Variants in RBM45 observed in about 807,000 individuals in gnomAD.
RBM45 encodes the protein RNA-binding protein 45.
In RBM45, 39 loss-of-function variants were observed where a neutral mutation model predicts 58.5. The observed-to-expected ratio is 0.67, with a 90% CI of 0.52 to 0.87. RBM45 has a LOEUF of 0.87. Ranked by LOEUF, RBM45 falls within the 40% of genes least tolerant of loss-of-function variation. RBM45 has a pLI of 0.00. For synonymous variants in RBM45, 193 were observed against 203.0 expected (o/e 0.95, Z 0.42); for missense variants, 481 against 581.6 (o/e 0.83, Z 1.78).
intron 5 of RBM45, 62 bp downstream of exon 5, chr2:178,121,421 CA>C: frequency 1.3e-6 from 1 of 745,568 alleles, no homozygotes. Context: ...CACACACACA[CA>C]CACACACACA....
Position 178,112,603 on chromosome 2 carries a change from C to T in RBM45, c.57C>T (p.Ser19=), listed in dbSNP as rs2087717693. The change falls in exon 1 of 10, where the codon AGC becomes AGT. Residue 19 remains serine (S), a synonymous_variant. Coordinates refer to ENST00000286070, the MANE Select transcript of RBM45 (RefSeq NM_152945.4). ...SGGGFRPGVD[S]LDEPPNSRIF... is the part of the protein sequence containing the mutation. ...GGGGCTTCCGCCCGGGCGTGGACAG[C>T]CTGGACGAACCGCCCAACAGCCGCA... The T allele has an allele frequency of 6.2e-7, 1 of 1,613,266 alleles. No individual in the cohort carries two copies. The highest frequency in any genetic ancestry group is 8.5e-7 in the Non-Finnish European group (1 of 1,179,978).
chr2:178,114,168 G>A (rs928105533), intron 1 of RBM45, among the ~76,000 whole-genome samples: 2 of 152,152 alleles, frequency 1.3e-5, no homozygotes, highest in African/African-American at 4.8e-5. Flanking sequence ...ACATAACCTT[G>A]TCTGTTTTTA....
At position 178,118,041 on chromosome 2, in the gene RBM45, T is replaced by A. The variant is rs2087801064; in HGVS notation, c.424-14T>A. ...TTTTAAGTCCCCTAAAATCATGTCTTTTAACTCTCTTAGGTGTATGGAGAT... is the reference window on the plus strand; with the variant it reads ...TTTTAAGTCCCCTAAAATCATGTCTATTAACTCTCTTAGGTGTATGGAGAT... On this transcript the variant is annotated splice_polypyrimidine_tract_variant and intron_variant, in intron 2 of 9. Coordinates refer to ENST00000286070, the MANE Select transcript of RBM45 (RefSeq NM_152945.4). 1.0e-5 allele frequency: 16 copies of A among 1,557,792 alleles called. No homozygotes were observed. Among genetic ancestry groups the A allele is most frequent in the Non-Finnish European group, 1.4e-5 (16 of 1,151,580 alleles).
chr2:178,134,937 G>T (rs910915253), intron 3 of RBM45, among the ~76,000 whole-genome samples: 2 of 152,196 alleles, frequency 1.3e-5, no homozygotes, highest in Non-Finnish European at 2.9e-5. Context: ...GGAGGCTGAC[G>T]CGGAGGTTGC....
downstream of RBM45, among the ~76,000 whole-genome samples, chr2:178,133,454 A>G (rs1034273564): frequency 2.8e-4 from 42 of 152,224 alleles, no homozygotes; most frequent in Non-Finnish European, 7.3e-5. Context: ...ATCATTGTCA[A>G]AAAAACTGAA....
intron 6 of RBM45, 88 bp downstream of exon 6, chr2:178,123,739 C>A: frequency 6.3e-7 from 1 of 1,589,276 alleles, no homozygotes; most frequent in South Asian, 1.1e-5. Flanking sequence ...AACAATTGAC[C>A]TCTCAGGTGA....
chr2:178,133,447 A>T (rs1432091413), downstream of RBM45, among the ~76,000 whole-genome samples: 1 of 152,244 alleles, frequency 6.6e-6, no homozygotes, highest in Non-Finnish European at 1.5e-5. Context: ...TGTAATTATC[A>T]TTGTCAAAAA....
At chr2:178,122,181 A>G (rs2087861826) in intron 5 of RBM45, among the ~76,000 whole-genome samples, 1 of 152,156 alleles carries the variant, frequency 6.6e-6, no homozygotes, top group Non-Finnish European at 1.5e-5. Context: ...AATATATGTA[A>G]AATAACTTAA....
downstream of RBM45, among the ~76,000 whole-genome samples, chr2:178,132,996 T>C (rs1255193922): frequency 6.6e-6 from 1 of 152,150 alleles, no homozygotes; most frequent in Non-Finnish European, 1.5e-5. Flanking sequence ...GAACAAGCTG[T>C]GGTTATGATG....
chr2:178,125,104 G>C (rs1259912504), intron 8 of RBM45, among the ~76,000 whole-genome samples: 1 of 152,148 alleles, frequency 6.6e-6, no homozygotes, highest in Non-Finnish European at 1.5e-5. Context: ...GACATAATGT[G>C]ATAGTATATT....
chr2:178,118,324 G>A, intron 3 of RBM45, 143 bp downstream of exon 3: 1 of 803,092 alleles, frequency 1.2e-6, no homozygotes, highest in Non-Finnish European at 1.8e-6. Context: ...TACAGTCCAA[G>A]GAAGAAAAAT....
rs372440839 is a variant in RBM45 at position 178,121,254 on chromosome 2, G to A, written c.748G>A (p.Val250Ile). ...GQEAISKRLS[V>I]VSRVPFTEEQ... ...GGAAGCAATCTCCAAACGCTTGTCA[G>A]TTGTATCAAGAGTTCCTTTCACTGA... is the stretch of plus-strand genomic sequence containing the variant. Residue 250 changes from valine (V) to isoleucine (I), a missense_variant, in exon 5 of 10, where the codon GTT becomes ATT. Transcript: ENST00000286070. 1.4e-5 allele frequency: 23 copies of A among 1,593,760 alleles called. No individual in the cohort carries two copies. Among genetic ancestry groups the A allele is most frequent in the Non-Finnish European group, 1.9e-5 (22 of 1,167,192 alleles).
chr2:178,134,854 G>A (rs1285650006), intron 3 of RBM45, among the ~76,000 whole-genome samples: 1 of 151,900 alleles, frequency 6.6e-6, no homozygotes, highest in Non-Finnish European at 1.5e-5. Flanking sequence ...CAGGCATGGT[G>A]GCAGTCACCT....
Position 178,112,855 on chromosome 2 carries a change from G to A in RBM45, c.300+9G>A. ...ACACCAAGCCCATCAAGGTGCGGGTGCCCGGGTCGGGGTGCCCTCGGGGGA... is the reference window on the plus strand; with the variant it reads ...ACACCAAGCCCATCAAGGTGCGGGTACCCGGGTCGGGGTGCCCTCGGGGGA... On this transcript the variant is annotated intron_variant, in intron 1 of 9. Transcript: ENST00000286070. 1.9e-6 allele frequency: 3 copies of A among 1,599,236 alleles called. No homozygotes were observed. Among genetic ancestry groups the A allele is most frequent in the Non-Finnish European group, 2.6e-6 (3 of 1,168,304 alleles).
intron 1 of RBM45, among the ~76,000 whole-genome samples, chr2:178,115,618 A>T (rs995879539): frequency 1.3e-5 from 2 of 152,152 alleles, no homozygotes; most frequent in South Asian, 4.1e-4. Flanking sequence ...GTGGAATTTC[A>T]TAAGTTCCAG....
chr2:178,123,746 G>T, intron 6 of RBM45, 82 bp from the exon 7 acceptor site: 1 of 1,594,304 alleles, frequency 6.3e-7, no homozygotes, highest in Non-Finnish European at 8.6e-7. Context: ...GACCTCTCAG[G>T]TGAGAAAGTC....
chr2:178,134,118 T>C (rs2088026607), downstream of RBM45, among the ~76,000 whole-genome samples: 1 of 152,214 alleles, frequency 6.6e-6, no homozygotes, highest in African/African-American at 2.4e-5. Context: ...GACTGTCATA[T>C]ATGAATTGAA....
At chr2:178,121,135 G>A (rs779017490) in intron 4 of RBM45, 45 bp from the exon 5 acceptor site, 3 of 930,416 alleles carry the variant, frequency 3.2e-6, no homozygotes, top group Non-Finnish European at 5.0e-6. Context: ...CGAATTGTTG[G>A]CTGTGTAGAA....
chr2:178,121,675 C>A (rs757130126), intron 5 of RBM45, among the ~76,000 whole-genome samples: 2 of 152,140 alleles, frequency 1.3e-5, no homozygotes, highest in Non-Finnish European at 2.9e-5. Context: ...ACAAAAAATA[C>A]CTCTGGATAG....
Sources: gnomAD v4.1 joint callset for allele counts (sites outside exome capture counted in the v4.1 genomes callset) on GRCh38, gnomAD v4.1.1 for gene constraint, MANE v1.5 for transcripts, NCBI Gene and HGNC (gene_info 2026-07-23, HGNC 2026-07-21) for gene names.